ARFGEF2: variants seen among roughly 807,000 people sequenced by gnomAD.
The protein encoded by ARFGEF2 is ARF guanine nucleotide exchange factor 2, also known as brefeldin A-inhibited guanine nucleotide-exchange protein 2.
Under a neutral mutation model 219.9 loss-of-function variants are expected in ARFGEF2, and 74 were observed. The observed-to-expected ratio is 0.34, with a 90% CI of 0.28 to 0.41. The LOEUF (loss-of-function observed/expected upper bound fraction) is 0.41, where lower values mean the gene tolerates loss of function less well. Among genes scored for constraint, ARFGEF2 ranks in the 10% least tolerant of loss-of-function variants. The pLI, the probability that ARFGEF2 is intolerant of heterozygous loss-of-function variation, is 1.00. For missense variants in ARFGEF2, 1,743 were observed against 2,218.3 expected (o/e 0.79, Z 4.30); for synonymous variants, 733 against 799.2 (o/e 0.92, Z 1.40).
At chr20:48,957,569 C>A (rs2091113289) in intron 6 of ARFGEF2, among the ~76,000 whole-genome samples, 1 of 152,176 alleles carries the variant, frequency 6.6e-6, no homozygotes, top group Non-Finnish European at 1.5e-5. Context: ...TTCTTTGTAC[C>A]TCTCAAAGGT....
chr20:48,941,073 C>T, intron 1 of ARFGEF2, 126 bp from the exon 2 acceptor site: 1 of 840,342 alleles, frequency 1.2e-6, no homozygotes. Context: ...CACTTCATAT[C>T]AGCATTTTTG....
At chr20:48,949,598 A>G (rs998076941) in intron 3 of ARFGEF2, among the ~76,000 whole-genome samples, 2 of 152,030 alleles carry the variant, frequency 1.3e-5, no homozygotes, top group Admixed American at 1.3e-4. Context: ...GTAGTATTGC[A>G]TTTCTACTCT....
intron 6 of ARFGEF2, among the ~76,000 whole-genome samples, chr20:48,961,807 T>C (rs1198789596): frequency 2.7e-5 from 4 of 148,152 alleles, no homozygotes; most frequent in African/African-American, 1.0e-4. Context: ...GAGGTTGCAG[T>C]GAGCCAAGAT....
At chr20:48,927,824 A>C (rs1454959762) in intron 1 of ARFGEF2, among the ~76,000 whole-genome samples, 1 of 152,220 alleles carries the variant, frequency 6.6e-6, no homozygotes, top group Non-Finnish European at 1.5e-5. Context: ...TATGTATCAT[A>C]AAAATTTTGA....
At chr20:48,939,009 A>G (rs1447216872) in intron 1 of ARFGEF2, among the ~76,000 whole-genome samples, 1 of 136,248 alleles carries the variant, frequency 7.3e-6, no homozygotes, top group African/African-American at 2.8e-5. Context: ...AAGTCTCACT[A>G]TGTCACCCAG....
rs184859613 is a variant in ARFGEF2 at position 49,000,973 on chromosome 20, A to G, written c.3432+2468A>G. Among the ~76,000 whole-genome samples the G allele has an allele frequency of 4.0e-5, 6 of 151,354 alleles. No individual in the cohort carries two copies. The East Asian group carries it at 1.2e-3, about 29-fold the overall frequency. On this transcript the variant is annotated intron_variant, in intron 25 of 38. Transcript: ENST00000371917. ...GGTGGCAGGTGGGAACCAGACATTT[A>G]ATTGTCATCAACTTCATTACAAATG...
At chr20:48,953,892 A>G (rs1395851915) in intron 6 of ARFGEF2, 102 bp downstream of exon 6, 18 of 1,130,096 alleles carry the variant, frequency 1.6e-5, no homozygotes, top group East Asian at 2.5e-5. Flanking sequence ...GAAACCTCTG[A>G]TAACAGCTTA....
chr20:48,998,421 T>G lies in ARFGEF2; in HGVS notation c.3348T>G (p.Ile1116Met), dbSNP rs750426526. The G allele has an allele frequency of 6.2e-7, 1 of 1,613,980 alleles. No homozygotes were observed. Among genetic ancestry groups the G allele is most frequent in the Non-Finnish European group, 8.5e-7 (1 of 1,180,030 alleles). ...HHPRMFSLQK[I>M]VEISYYNMNR... ...CTCGCATGTTCAGCTTGCAGAAGAT[T>G]GTGGAGATATCATACTACAACATGA... Residue 1116 changes from isoleucine to methionine, a missense_variant, in exon 25 of 39, where the codon ATT becomes ATG. Ile to Met is a conservative substitution (Grantham distance 10). Around this residue, in one of 5 missense-constraint regions of ARFGEF2, gnomAD observed 3 missense variants for 25.5 expected, o/e 0.12. Transcript: ENST00000371917.
chr20:48,941,995 G>A lies in ARFGEF2; in HGVS notation c.276+8G>A. On this transcript the variant is annotated splice_region_variant and intron_variant, in intron 3 of 38. Transcript: ENST00000371917. ...TCCCTTGACTGCTTGCAGGTACCAT[G>A]TTTAAACTTCGTGTTGTCAAGGGGG... 1 of 1,614,080 alleles carries A rather than the reference G, an allele frequency of 6.2e-7. No individual in the cohort carries two copies. Among genetic ancestry groups the A allele is most frequent in the Non-Finnish European group, 8.5e-7 (1 of 1,180,020 alleles).
intron 22 of ARFGEF2, among the ~76,000 whole-genome samples, chr20:48,995,015 T>C (rs1378733904): frequency 6.6e-6 from 1 of 152,204 alleles, no homozygotes; most frequent in Admixed American, 6.5e-5. Flanking sequence ...TCTCTGGCTA[T>C]ACATTGGATT....
intron 30 of ARFGEF2, 89 bp downstream of exon 30, chr20:49,014,049 T>C (rs1181243509): frequency 9.0e-6 from 14 of 1,548,980 alleles, no homozygotes; most frequent in Admixed American, 1.7e-5. Flanking sequence ...CATCATCGTC[T>C]ACCCAGAGTT....
intron 9 of ARFGEF2, among the ~76,000 whole-genome samples, chr20:48,970,381 C>T (rs924650130): frequency 7.9e-5 from 12 of 151,848 alleles, no homozygotes; most frequent in Admixed American, 2.6e-4. Context: ...GAGGCCGAGG[C>T]GGGCGGATCA....
At chr20:49,014,930 G>A (rs955404199) in intron 30 of ARFGEF2, among the ~76,000 whole-genome samples, 1 of 152,172 alleles carries the variant, frequency 6.6e-6, no homozygotes, top group African/African-American at 2.4e-5. Flanking sequence ...GGCAGCCACC[G>A]TTAAGACCTT....
At chr20:48,970,237 C>T (rs2091216731) in intron 9 of ARFGEF2, among the ~76,000 whole-genome samples, 1 of 152,112 alleles carries the variant, frequency 6.6e-6, no homozygotes. Context: ...ATCGCTTGAA[C>T]CCAGGAGGCA....
intron 26 of ARFGEF2, among the ~76,000 whole-genome samples, chr20:49,005,611 G>C (rs1313305539): frequency 6.6e-6 from 1 of 151,652 alleles, no homozygotes; most frequent in Non-Finnish European, 1.5e-5. Context: ...GGTGGCGGGC[G>C]CCTATAGGTC....
intron 26 of ARFGEF2, among the ~76,000 whole-genome samples, chr20:49,008,784 T>C (rs2091478978): frequency 1.4e-5 from 2 of 142,546 alleles, no homozygotes; most frequent in Non-Finnish European, 3.0e-5. Context: ...CTCGGCTCAC[T>C]ACAATCTCTG....
chr20:49,031,178 ATTTAC>A (rs1230667133), intron 37 of ARFGEF2, among the ~76,000 whole-genome samples: 2 of 124,246 alleles, frequency 1.6e-5, no homozygotes, highest in African/African-American at 6.2e-5. Flanking sequence ...GACTTAACAT[ATTTAC>A]TTCATTTAAT....
intron 30 of ARFGEF2, among the ~76,000 whole-genome samples, chr20:49,015,625 G>A (rs1264590464): frequency 2.6e-5 from 4 of 152,152 alleles, no homozygotes; most frequent in Non-Finnish European, 4.4e-5. Flanking sequence ...TAAGCCTTTT[G>A]ATACGTACCA....
rs117383492 is a variant in ARFGEF2, at chr20:49,016,782, A to G, written c.4315+367A>G. ...AATTATTTTAGAGTTTGTCAGGAAA[A>G]ATACCCAGCTAGCACATTAGAACTG... On this transcript the variant is annotated intron_variant, in intron 31 of 38. Transcript: ENST00000371917. Among the ~76,000 whole-genome samples, 182 of 152,342 alleles carry G rather than the reference A, an allele frequency of 1.2e-3. No individual in the cohort carries two copies. In the East Asian group the frequency reaches 0.03, roughly 25 times the overall value.
Sources: gnomAD v4.1 joint callset for allele counts (sites outside exome capture counted in the v4.1 genomes callset) on GRCh38, gnomAD v4.1.1 for gene constraint, gnomAD v4.1.1 regional missense constraint, MANE v1.5 for transcripts, NCBI Gene and HGNC (gene_info 2026-07-23, HGNC 2026-07-21) for gene names.